The following NTNG1 variants were observed in gnomAD, a reference collection of about 807,000 sequenced individuals.
The protein encoded by NTNG1 is netrin-G1.
A neutral mutation model predicts 54.0 loss-of-function variants in NTNG1; 16 were observed. The observed-to-expected ratio is 0.30, with a 90% confidence interval of 0.20 to 0.45. The LOEUF is 0.45. Among genes scored for constraint, NTNG1 ranks in the 20% least tolerant of loss-of-function variants. The pLI is 1.00. For synonymous variants in NTNG1, 255 were observed against 263.1 expected, an observed-to-expected ratio of 0.97 and a Z score of 0.30; for missense variants, 530 against 678.7, an observed-to-expected ratio of 0.78 and a Z score of 2.43.
chr1:107,464,340 A>ATCGG (rs1677467305), intron 7 of NTNG1, among the ~76,000 whole-genome samples: 1 of 152,224 alleles, frequency 6.6e-6, no homozygotes, highest in Non-Finnish European at 1.5e-5. Context: ...TGCCCGATTA[A>ATCGG]GCAGGACAGA....
chr1:107,429,459 G>T (rs1205988025), intron 5 of NTNG1, among the ~76,000 whole-genome samples: 1 of 151,726 alleles, frequency 6.6e-6, no homozygotes, highest in Admixed American at 6.6e-5. Context: ...ATTTTATATA[G>T]GCCAAAATAG....
chr1:107,292,425 C>G (rs1327277918), intron 2 of NTNG1, among the ~76,000 whole-genome samples: 1 of 152,080 alleles, frequency 6.6e-6, no homozygotes, highest in African/African-American at 2.4e-5. Context: ...TTTCCCCCGC[C>G]CTATCCCACA....
chr1:107,448,708 C>A (rs1164662044), intron 7 of NTNG1, among the ~76,000 whole-genome samples: 1 of 152,050 alleles, frequency 6.6e-6, no homozygotes, highest in African/African-American at 2.4e-5. Flanking sequence ...CAAGGGCATA[C>A]ATACACCTTG....
In NTNG1 at chr1:107,480,973, A is replaced by G. The variant is rs1364260122; in HGVS notation, c.*133A>G. On this transcript the variant is annotated 3_prime_UTR_variant, in exon 8 of 8. Coordinates refer to ENST00000370068, the MANE Select transcript of NTNG1 (RefSeq NM_001113226.3). ...GACAGTGTACAAACTAAGAAGGCCT[A>G]ACTGAACTAAGCCATATTTATCACC... 1.5e-6 allele frequency: 1 copy of G among 665,164 alleles called. No homozygotes were observed. The allele number at this position is 665,164 out of a possible 1,614,324, so 41.2% of individuals were successfully genotyped here.
At chr1:107,165,837 A>G (rs1173570090) in intron 2 of NTNG1, among the ~76,000 whole-genome samples, 4 of 152,202 alleles carry the variant, frequency 2.6e-5, no homozygotes, top group Admixed American at 2.6e-4. Context: ...ATCTGGCAGA[A>G]GGTGATACTT....
At chr1:107,227,732 A>G (rs543047785) in intron 2 of NTNG1, among the ~76,000 whole-genome samples, 2 of 152,046 alleles carry the variant, frequency 1.3e-5, no homozygotes, top group South Asian at 2.1e-4. Flanking sequence ...AGACAGACAC[A>G]TGGAGTTATA....
At chr1:107,352,781 C>T (rs1224581400) in intron 3 of NTNG1, among the ~76,000 whole-genome samples, 1 of 152,232 alleles carries the variant, frequency 6.6e-6, no homozygotes, top group Non-Finnish European at 1.5e-5. Flanking sequence ...CCTGTTCCTG[C>T]TCTGCATTTT....
At chr1:107,205,453 T>C (rs1299281524) in intron 2 of NTNG1, among the ~76,000 whole-genome samples, 1 of 152,156 alleles carries the variant, frequency 6.6e-6, no homozygotes, top group Non-Finnish European at 1.5e-5. Context: ...AGCCAGAAAT[T>C]AGTTATGGCT....
intron 2 of NTNG1, among the ~76,000 whole-genome samples, chr1:107,153,922 A>G (rs1654774716): frequency 1.3e-5 from 2 of 152,216 alleles, no homozygotes; most frequent in Admixed American, 6.5e-5. Flanking sequence ...AACAAAACCT[A>G]AAACCACCTC....
At chr1:107,167,036 A>T (rs943667141) in intron 2 of NTNG1, among the ~76,000 whole-genome samples, 1 of 152,098 alleles carries the variant, frequency 6.6e-6, no homozygotes, top group Non-Finnish European at 1.5e-5. Flanking sequence ...ACATTCTGTA[A>T]TCCCAGCCCA....
At chr1:107,144,337 A>G (rs1461115579) in intron 1 of NTNG1, among the ~76,000 whole-genome samples, 1 of 152,080 alleles carries the variant, frequency 6.6e-6, no homozygotes, top group Non-Finnish European at 1.5e-5. Context: ...TGAATGAGGA[A>G]TGAGTCAATA....
chr1:107,394,638 G>A (rs2101087505), intron 3 of NTNG1, among the ~76,000 whole-genome samples: 1 of 152,262 alleles, frequency 6.6e-6, no homozygotes, highest in East Asian at 1.9e-4. Flanking sequence ...GAGAACACTT[G>A]ATTATAATTT....
chr1:107,388,253 T>G (rs965910022), intron 3 of NTNG1, among the ~76,000 whole-genome samples: 1 of 152,220 alleles, frequency 6.6e-6, no homozygotes, highest in Admixed American at 6.5e-5. Context: ...TGTTAAGAAC[T>G]TTGTGTCAGA....
In NTNG1 at chr1:107,148,611, C is replaced by T; in HGVS notation, c.18C>T (p.Phe6=). 6.2e-7 allele frequency: 1 copy of T among 1,613,282 alleles called. No homozygotes were observed. The highest frequency in any genetic ancestry group is 2.2e-5 in the East Asian group (1 of 44,870). The part of the protein sequence containing the change: MYLSR[F]LSIHALWVTV... ...ATTTAGAGATGTATTTGTCAAGATT[C>T]CTGTCGATTCATGCCCTTTGGGTTA... Residue 6 remains phenylalanine, a synonymous_variant, in exon 2 of 8, where the codon TTC becomes TTT. Coordinates refer to ENST00000370068, the MANE Select transcript of NTNG1 (RefSeq NM_001113226.3).
intron 3 of NTNG1, among the ~76,000 whole-genome samples, chr1:107,373,396 G>T (rs1450444781): frequency 6.6e-6 from 1 of 151,582 alleles, no homozygotes; most frequent in East Asian, 1.9e-4. Flanking sequence ...TTATGATTTT[G>T]TTTTCACATG....
At chr1:107,278,975 C>G (rs1336694661) in intron 2 of NTNG1, among the ~76,000 whole-genome samples, 1 of 152,012 alleles carries the variant, frequency 6.6e-6, no homozygotes, top group African/African-American at 2.4e-5. Context: ...GTGCTATAAC[C>G]ATAACCAGGG....
In NTNG1 at chr1:107,341,923, A is replaced by G. The variant is rs547134353; in HGVS notation, c.887+17001A>G. Among the ~76,000 whole-genome samples the G allele has an allele frequency of 3.3e-5, 5 of 152,168 alleles. No individual in the cohort carries two copies. In the East Asian group the frequency reaches 7.7e-4, roughly 24 times the overall value. On this transcript the variant is annotated intron_variant, in intron 3 of 7. Transcript: ENST00000370068. ...TCACATCCAGTTTAGAGGTGTATCT[A>G]TGAGTTGTGAGGAAATTGGAACAGG...
chr1:107,469,240 T>C (rs1418609768), intron 7 of NTNG1, among the ~76,000 whole-genome samples: 1 of 152,210 alleles, frequency 6.6e-6, no homozygotes, highest in East Asian at 1.9e-4. Context: ...GTCACCATTC[T>C]CTTCCTGTTC....
intron 2 of NTNG1, among the ~76,000 whole-genome samples, chr1:107,301,534 A>G (rs1298150264): frequency 1.3e-5 from 2 of 152,236 alleles, no homozygotes; most frequent in African/African-American, 2.4e-5. Context: ...ATTTATTTAT[A>G]TAAAAATTCA....
Sources: allele counts gnomAD v4.1 joint callset (sites outside exome capture counted in the v4.1 genomes callset), GRCh38; gene constraint gnomAD v4.1.1; transcripts MANE v1.5; gene names NCBI Gene and HGNC (gene_info 2026-07-23, HGNC 2026-07-21).